Variants in PPL observed in about 807,000 individuals in gnomAD.
PPL encodes 190 kDa paraneoplastic pemphigus antigen.
In PPL, 198 loss-of-function variants were observed where a neutral mutation model predicts 194.4. The ratio of observed to expected loss-of-function variants is 1.02; its 90% confidence interval spans 0.91 to 1.15. The LOEUF (loss-of-function observed/expected upper bound fraction) is 1.15, where lower values mean the gene tolerates loss of function less well. Among genes scored for constraint, PPL ranks in the 50% most tolerant of loss-of-function variants. PPL has a pLI of 0.00. For synonymous variants in PPL, 1,220 were observed against 972.4 expected (o/e 1.25, Z -4.74); for missense variants, 2,885 against 2,294.8 (o/e 1.26, Z -5.25).
At chr16:4,906,927 T>C (rs191047024) in intron 2 of PPL, among the ~76,000 whole-genome samples, 1 of 152,206 alleles carries the variant, frequency 6.6e-6, no homozygotes, top group East Asian at 1.9e-4. Context: ...TTTATATAAG[T>C]TATACCTTGA....
intron 3 of PPL, among the ~76,000 whole-genome samples, chr16:4,903,536 A>G (rs2088619371): frequency 6.6e-6 from 1 of 152,098 alleles, no homozygotes. Context: ...CCTGGCCAAC[A>G]TGGAGAAACC....
rs759904766 is a variant in PPL, at chr16:4,886,000, C to T, written c.2655G>A (p.Pro885=). 1.9e-5 allele frequency: 30 copies of T among 1,613,812 alleles called. No homozygotes were observed. The highest frequency in any genetic ancestry group is 1.6e-4 in the Middle Eastern group (1 of 6,084). The change falls in exon 22 of 22, where the codon CCG becomes CCA. Residue 885 remains proline, a synonymous_variant. Transcript: ENST00000345988. This position sits in a 1 kb window ranked among gnomAD's most constrained non-coding sequence, Gnocchi z 6.3. ...VTHETLQRNR[P]DSGVEEAWKI... ...TCCACGCCTCCTCCACTCCAGAGTC[C>T]GGCCTATTCCTTTGCAGGGTCTCAT...
rs373943380 is a variant in PPL, at chr16:4,935,870, C to G, written c.62+1114G>C. 2.3e-4 allele frequency among the ~76,000 whole-genome samples: 35 copies of G among 152,274 alleles called. No homozygotes were observed. In the East Asian group the frequency reaches 2.3e-3, roughly 10 times the overall value. On this transcript the variant is annotated intron_variant, in intron 1 of 21. Coordinates refer to ENST00000345988, the MANE Select transcript of PPL (RefSeq NM_002705.5). The stretch of plus-strand genomic sequence containing the variant: ...GCACAGTGGGGGCTCCCAGTGAGAG[C>G]AGCTTGGGGGCAGAACTCCCAGACA...
chr16:4,927,226 A>C (rs1357215761), intron 1 of PPL, among the ~76,000 whole-genome samples: 1 of 152,226 alleles, frequency 6.6e-6, no homozygotes, highest in Admixed American at 6.5e-5. Flanking sequence ...ACTAAATGAT[A>C]CAGGAAGGTT....
At chr16:4,886,735 C>G (rs369337791) in intron 21 of PPL, among the ~76,000 whole-genome samples, 2 of 152,232 alleles carry the variant, frequency 1.3e-5, no homozygotes, top group Non-Finnish European at 2.9e-5. Flanking sequence ...TCTCCTGCCT[C>G]AGTCTCCTGA....
chr16:4,912,905 A>G (rs959121767), intron 1 of PPL, among the ~76,000 whole-genome samples: 3 of 152,170 alleles, frequency 2.0e-5, no homozygotes, highest in Non-Finnish European at 2.9e-5. Flanking sequence ...GGAGTTTGAG[A>G]CCAGCCTGGC....
chr16:4,906,827 C>A (rs923549030), intron 2 of PPL, among the ~76,000 whole-genome samples: 1 of 152,152 alleles, frequency 6.6e-6, no homozygotes, highest in Admixed American at 6.5e-5. Flanking sequence ...AGACAGTTAC[C>A]CATCTTGCCA....
chr16:4,919,578 T>C (rs2088995163), intron 1 of PPL, among the ~76,000 whole-genome samples: 1 of 152,150 alleles, frequency 6.6e-6, no homozygotes, highest in Non-Finnish European at 1.5e-5. Flanking sequence ...CCACTCTGTA[T>C]TTCTGAGTCT....
In PPL at chr16:4,884,239, C is replaced by T. The variant is rs888781013; in HGVS notation, c.4416G>A (p.Arg1472=). The T allele has an allele frequency of 1.9e-6, 3 of 1,613,722 alleles. No homozygotes were observed. The highest frequency in any genetic ancestry group is 2.5e-6 in the Non-Finnish European group (3 of 1,179,932). ...CGAGCTCCCCCTCCAGGAGCTGCCG[C>T]CGGTGCTGCTCTTCTTCCAGCTGGA... is the stretch of plus-strand genomic sequence containing the variant. ...LRLQLEEEQH[R]RQLLEGELET... is the part of the protein sequence containing the mutation. Residue 1472 remains arginine, a synonymous_variant, in exon 22 of 22, where the codon CGG becomes CGA. Coordinates refer to ENST00000345988, the MANE Select transcript of PPL (RefSeq NM_002705.5). The surrounding 1 kb of genome is among the most constrained non-coding windows in gnomAD (Gnocchi z 5.7).
chr16:4,928,683 G>C (rs1034106314), intron 1 of PPL, among the ~76,000 whole-genome samples: 5 of 152,184 alleles, frequency 3.3e-5, no homozygotes, highest in African/African-American at 1.2e-4. Flanking sequence ...ACAAAGAAGA[G>C]ACAGGGCTTC....
intron 1 of PPL, among the ~76,000 whole-genome samples, chr16:4,927,046 A>G (rs1350227849): frequency 6.6e-6 from 1 of 152,218 alleles, no homozygotes; most frequent in Non-Finnish European, 1.5e-5. Context: ...ACAAAGGGAA[A>G]GCATGATAAA....
At position 4,884,526 on chromosome 16, in the gene PPL, C is replaced by T. The variant is rs149393045; in HGVS notation, c.4129G>A (p.Val1377Met). Residue 1377 changes from valine to methionine, a missense_variant, in exon 22 of 22, where the codon GTG (valine) becomes ATG (methionine). Transcript: ENST00000345988. This position sits in a 1 kb window ranked among gnomAD's most constrained non-coding sequence, Gnocchi z 5.7. ...AGCTTGTCAATCTGCCGCAGCTCCA[C>T]ATCGATGCTCTCGGCAAAGGCGCTC... ...EASAFAESID[V>M]ELRQIDKLRA... The T allele has an allele frequency of 6.8e-6, 11 of 1,612,150 alleles. No homozygotes were observed. Among genetic ancestry groups the T allele is most frequent in the Non-Finnish European group, 8.5e-6 (10 of 1,179,686 alleles).
At chr16:4,935,216 C>T (rs934794993) in intron 1 of PPL, among the ~76,000 whole-genome samples, 2 of 152,142 alleles carry the variant, frequency 1.3e-5, no homozygotes, top group South Asian at 2.1e-4. Context: ...TGGGAAAGCC[C>T]GCACCCCTCC....
At chr16:4,895,528 G>A (rs1325114404) in intron 10 of PPL, 66 bp downstream of exon 10, 1 of 1,610,598 alleles carries the variant, frequency 6.2e-7, no homozygotes, top group Non-Finnish European at 8.5e-7. Flanking sequence ...ACAGGGCTGA[G>A]GGCAGGCATG....
intron 1 of PPL, among the ~76,000 whole-genome samples, chr16:4,916,808 C>T (rs887500163): frequency 1.3e-5 from 2 of 152,044 alleles, no homozygotes; most frequent in Non-Finnish European, 2.9e-5. Context: ...CCCAGCCCAC[C>T]CCTACATATC....
rs1037873580 is a variant in PPL at position 4,900,959 on chromosome 16, C to G, written c.564+5G>C. 4.3e-6 allele frequency: 7 copies of G among 1,614,008 alleles called. No individual in the cohort carries two copies. Among genetic ancestry groups the G allele is most frequent in the Non-Finnish European group, 5.9e-6 (7 of 1,180,030 alleles). ...GGGTCCCCACCACACCAGCACACGC[C>G]CCACCTTGTCCCCGTCCTTGGCCAG... On this transcript the variant is annotated splice_donor_5th_base_variant and intron_variant, in intron 5 of 21. Coordinates refer to ENST00000345988, the MANE Select transcript of PPL (RefSeq NM_002705.5).
chr16:4,907,433 G>A (rs889273726), intron 2 of PPL, among the ~76,000 whole-genome samples: 38 of 152,026 alleles, frequency 2.5e-4, no homozygotes, highest in African/African-American at 7.7e-4. Context: ...TTCGCTGTAC[G>A]GTTTTCTGCA....
At chr16:4,929,964 T>G (rs1306062151) in intron 1 of PPL, among the ~76,000 whole-genome samples, 3 of 152,022 alleles carry the variant, frequency 2.0e-5, no homozygotes, top group Non-Finnish European at 4.4e-5. Context: ...CTAGGACAAG[T>G]GCGAACCACT....
At chr16:4,895,475 C>T (rs1381453735) in intron 10 of PPL, 68 bp from the exon 11 acceptor site, 5 of 1,604,502 alleles carry the variant, frequency 3.1e-6, no homozygotes, top group Non-Finnish European at 4.3e-6. Context: ...GGACGCAGAG[C>T]AGGGGCTGGA....
Sources: gnomAD v4.1 joint callset for allele counts (sites outside exome capture counted in the v4.1 genomes callset) on GRCh38, gnomAD v4.1.1 for gene constraint, Gnocchi (gnomAD v3.1) non-coding constraint, MANE v1.5 for transcripts, NCBI Gene and HGNC (gene_info 2026-07-23, HGNC 2026-07-21) for gene names.